The following HP1BP3 variants were observed in gnomAD, a reference collection of about 807,000 sequenced individuals.
HP1BP3 encodes the protein heterochromatin protein 1 binding protein 3, also known as heterochromatin protein 1-binding protein 3.
HP1BP3 carries 12 observed loss-of-function variants against 62.5 expected under a neutral mutation model. The observed-to-expected ratio is 0.19, with a 90% CI of 0.12 to 0.31. The LOEUF (loss-of-function observed/expected upper bound fraction) is 0.31, where lower values mean the gene tolerates loss of function less well. Ranked by LOEUF, HP1BP3 falls within the 10% of genes least tolerant of loss-of-function variation. The pLI is 1.00. For missense variants in HP1BP3, 502 were observed against 651.8 expected, an observed-to-expected ratio of 0.77 and a Z score of 2.50; for synonymous variants, 260 against 237.8, an observed-to-expected ratio of 1.09 and a Z score of -0.86.
intron 4 of HP1BP3, chr1:20,774,952 CCA>C (rs2057235921): frequency 1.3e-5 from 2 of 151,128 alleles, no homozygotes; most frequent in East Asian, 3.9e-4. Context: ...CCACTGCACT[CCA>C]CACTCCAACC....
chr1:20,747,414 T>C (rs1045678482), intron 11 of HP1BP3, 130 bp downstream of exon 11: 3 of 622,146 alleles, frequency 4.8e-6, no homozygotes, highest in Non-Finnish European at 8.4e-6. Flanking sequence ...CTGTAACCAA[T>C]CCCCTATATG....
intron 7 of HP1BP3, among the ~76,000 whole-genome samples, chr1:20,767,115 C>G (rs1394500806): frequency 6.6e-6 from 1 of 151,898 alleles, no homozygotes; most frequent in Non-Finnish European, 1.5e-5. Flanking sequence ...GTCAAGAGTT[C>G]AAGACCAGCC....
intron 9 of HP1BP3, among the ~76,000 whole-genome samples, chr1:20,751,815 G>T (rs1448442092): frequency 1.3e-5 from 2 of 151,670 alleles, no homozygotes; most frequent in Admixed American, 6.6e-5. Context: ...GGTAACAAAG[G>T]TTAGCAAATA....
At chr1:20,762,206 A>G (rs1016437899) in intron 8 of HP1BP3, among the ~76,000 whole-genome samples, 2 of 152,204 alleles carry the variant, frequency 1.3e-5, no homozygotes, top group African/African-American at 4.8e-5. Flanking sequence ...ATAAGAGAAA[A>G]AAGTTTCAAT....
chr1:20,767,899 C>T (rs1228297938), intron 6 of HP1BP3, among the ~76,000 whole-genome samples: 1 of 152,028 alleles, frequency 6.6e-6, no homozygotes, highest in East Asian at 1.9e-4. Context: ...CTTTTGTTTT[C>T]TCATCTACAA....
At chr1:20,748,473 G>C (rs1327899337) in intron 10 of HP1BP3, among the ~76,000 whole-genome samples, 1 of 152,366 alleles carries the variant, frequency 6.6e-6, no homozygotes, top group Non-Finnish European at 1.5e-5. Context: ...TAGGCCGGGC[G>C]TGGCGGCTCA....
chr1:20,785,394 AC>A (rs2057775665), intron 1 of HP1BP3, among the ~76,000 whole-genome samples: 1 of 152,196 alleles, frequency 6.6e-6, no homozygotes, highest in African/African-American at 2.4e-5. Flanking sequence ...CTATAATTTC[AC>A]ATTTTACCAT....
Position 20,741,666 on chromosome 1 carries a change from G to A in HP1BP3, c.*3131C>T, listed in dbSNP as rs1314914136. On this transcript the variant is annotated 3_prime_UTR_variant, in exon 13 of 13. Transcript: ENST00000438032. ...AATAGTATCTTTCCTTCCTCATTTT[G>A]TAGGTTAAGAAGCCAACAATCTCTC... Among the ~76,000 whole-genome samples, 1 of 152,164 alleles carries A rather than the reference G, an allele frequency of 6.6e-6. No homozygotes were observed. Among genetic ancestry groups the A allele is most frequent in the Non-Finnish European group, 1.5e-5 (1 of 68,034 alleles).
At chr1:20,748,410 G>C (rs1570545876) in intron 10 of HP1BP3, among the ~76,000 whole-genome samples, 1 of 152,222 alleles carries the variant, frequency 6.6e-6, no homozygotes, top group East Asian at 1.9e-4. Context: ...CAGTGAAACT[G>C]AAAGGCTTGT....
rs1192394321 is a variant in HP1BP3, at chr1:20,783,634, T to C, written c.-100-3094A>G. On this transcript the variant is annotated intron_variant, in intron 1 of 12. Coordinates refer to ENST00000438032, the MANE Select transcript of HP1BP3 (RefSeq NM_001372052.1). ...AAGGTTCAATCTGTAGTACTTTCTT[T>C]AGAATAGTTGGGTTAGTCCCAGCTA... Among the ~76,000 whole-genome samples, 4 of 151,430 alleles carry C rather than the reference T, an allele frequency of 2.6e-5. No homozygotes were observed. The East Asian group carries it at 7.8e-4, about 30-fold the overall frequency.
At position 20,776,581 on chromosome 1, in the gene HP1BP3, A is replaced by G. The variant is rs186966516; in HGVS notation, c.350+16T>C. On this transcript the variant is annotated intron_variant, in intron 4 of 12. Transcript: ENST00000438032. ...CATTCTTCAAATATAAATAGCAAGAAGACATAACTCCTTACTCCTTTTTGG... is the reference window on the plus strand; with the variant it reads ...CATTCTTCAAATATAAATAGCAAGAGGACATAACTCCTTACTCCTTTTTGG... 3.8e-5 allele frequency: 60 copies of G among 1,596,836 alleles called. No individual in the cohort carries two copies. The East Asian group carries it at 8.3e-4, about 22-fold the overall frequency.
chr1:20,782,990 T>A (rs2057642213), intron 1 of HP1BP3, among the ~76,000 whole-genome samples: 1 of 148,770 alleles, frequency 6.7e-6, no homozygotes, highest in African/African-American at 2.5e-5. Flanking sequence ...CACATGCCCG[T>A]AGTCCCAGCT....
In HP1BP3 at chr1:20,745,972, A is replaced by AGT. The variant is rs2055294473; in HGVS notation, c.1254-317_1254-316insAC. On this transcript the variant is annotated intron_variant, in intron 11 of 12. Transcript: ENST00000438032. Reference sequence around the variant, plus strand: ...TGGCACTGTATTAGCCAATGAGTACACAGCAATGAACAGTCTGCATGGAAT... The same window carrying AGT: ...TGGCACTGTATTAGCCAATGAGTACAGTCAGCAATGAACAGTCTGCATGGAAT... 2.6e-5 allele frequency among the ~76,000 whole-genome samples: 4 copies of AGT among 152,300 alleles called. No homozygotes were observed. The South Asian group carries it at 6.2e-4, about 24-fold the overall frequency.
intron 11 of HP1BP3, among the ~76,000 whole-genome samples, chr1:20,745,938 A>C (rs2055292390): frequency 6.6e-6 from 1 of 152,134 alleles, no homozygotes; most frequent in Admixed American, 6.5e-5. Context: ...TAAACTCCTA[A>C]TATGTATCTG....
At chr1:20,769,939 A>C (rs2056977267) in intron 6 of HP1BP3, among the ~76,000 whole-genome samples, 1 of 152,186 alleles carries the variant, frequency 6.6e-6, no homozygotes, top group Non-Finnish European at 1.5e-5. Flanking sequence ...GTATAGAAAA[A>C]ACTTAACAAG....
rs1228991281 is a variant in HP1BP3, at chr1:20,782,603, T to TA, written c.-100-2064dup. Among the ~76,000 whole-genome samples, 677 of 138,020 alleles carry TA rather than the reference T, an allele frequency of 4.9e-3. 4 individuals carry two copies. The highest frequency in any genetic ancestry group is 0.016 in the African/African-American group (610 of 36,982). The allele number at this position is 138,020 out of a possible 152,430, so 90.5% of individuals were successfully genotyped here. On this transcript the variant is annotated intron_variant, in intron 1 of 12. Coordinates refer to ENST00000438032, the MANE Select transcript of HP1BP3 (RefSeq NM_001372052.1). Reference sequence around the variant, plus strand: ...GCCTCAAGAAAAAAAAATAATAATTTAAAAAAAAACACAAAAGGGCCAGGC... The same window carrying TA: ...GCCTCAAGAAAAAAAAATAATAATTTAAAAAAAAAACACAAAAGGGCCAGGC...
At chr1:20,757,141 C>A in intron 9 of HP1BP3, 25 bp downstream of exon 9, 1 of 1,519,006 alleles carries the variant, frequency 6.6e-7, no homozygotes, top group Admixed American at 1.9e-5. Flanking sequence ...AGCACTTCTC[C>A]ACAACCAGGC....
chr1:20,765,329 AAAGG>A, intron 8 of HP1BP3, 44 bp downstream of exon 8: 1 of 1,320,626 alleles, frequency 7.6e-7, no homozygotes, highest in Non-Finnish European at 1.0e-6. Context: ...AAAGGGAGCT[AAAGG>A]AAGTAACACA....
chr1:20,746,753 T>G (rs2055364625), intron 11 of HP1BP3, among the ~76,000 whole-genome samples: 1 of 152,184 alleles, frequency 6.6e-6, no homozygotes, highest in African/African-American at 2.4e-5. Context: ...TTAAAACTTA[T>G]GCATATAATC....
Sources: allele counts gnomAD v4.1 joint callset (sites outside exome capture counted in the v4.1 genomes callset), GRCh38; gene constraint gnomAD v4.1.1; transcripts MANE v1.5; gene names NCBI Gene and HGNC (gene_info 2026-07-23, HGNC 2026-07-21).